Variants in ADGRB3 observed in about 807,000 individuals in gnomAD.
The protein encoded by ADGRB3 is brain-specific angiogenesis inhibitor 3.
A neutral mutation model predicts 193.4 loss-of-function variants in ADGRB3; 37 were observed. The ratio of observed to expected loss-of-function variants is 0.19; its 90% CI spans 0.15 to 0.25. ADGRB3 has a LOEUF of 0.25. Among genes scored for constraint, ADGRB3 ranks in the 10% least tolerant of loss-of-function variants. The probability of loss-of-function intolerance (pLI) is 1.00; values close to 1 mark genes in which losing one functional copy is unlikely to be tolerated. For synonymous variants in ADGRB3, 690 were observed against 644.2 expected (o/e 1.07, Z -1.08); for missense variants, 1,637 against 1,852.9 (o/e 0.88, Z 2.14).
intron 3 of ADGRB3, among the ~76,000 whole-genome samples, chr6:68,738,372 G>C (rs981932494): frequency 6.6e-6 from 1 of 152,074 alleles, no homozygotes; most frequent in Non-Finnish European, 1.5e-5. Flanking sequence ...GTCAAAGAGT[G>C]ACATTATCTG....
intron 10 of ADGRB3, among the ~76,000 whole-genome samples, chr6:68,992,523 C>T (rs1190763234): frequency 1.3e-5 from 2 of 152,082 alleles, no homozygotes; most frequent in South Asian, 2.1e-4. Context: ...TTACTGATGC[C>T]GTGTCAGTCA....
intron 3 of ADGRB3, among the ~76,000 whole-genome samples, chr6:68,929,443 A>G (rs1767275435): frequency 6.6e-6 from 1 of 152,112 alleles, no homozygotes; most frequent in South Asian, 2.1e-4. Flanking sequence ...CCTTCCATAC[A>G]AGAATTGGTA....
At chr6:68,915,356 T>A (rs1021252128) in intron 3 of ADGRB3, among the ~76,000 whole-genome samples, 3 of 152,156 alleles carry the variant, frequency 2.0e-5, no homozygotes, top group African/African-American at 7.2e-5. Flanking sequence ...CATGGCAGGA[T>A]GGGCTGATAT....
chr6:69,033,681 G>A (rs571825684), intron 13 of ADGRB3, among the ~76,000 whole-genome samples: 4 of 152,086 alleles, frequency 2.6e-5, no homozygotes, highest in African/African-American at 9.6e-5. Context: ...GTGTTTTTGT[G>A]TGTTTATCTT....
intron 20 of ADGRB3, among the ~76,000 whole-genome samples, chr6:69,251,767 T>C (rs1193813536): frequency 2.6e-5 from 4 of 152,160 alleles, no homozygotes; most frequent in Non-Finnish European, 4.4e-5. Context: ...AGCTACCCTT[T>C]TTGTTTATTG....
chr6:68,657,574 G>A (rs1271384147), intron 3 of ADGRB3, among the ~76,000 whole-genome samples: 1 of 151,342 alleles, frequency 6.6e-6, no homozygotes, highest in Non-Finnish European at 1.5e-5. Context: ...TGATCAAGCA[G>A]CTGGCCATGG....
chr6:68,765,576 A>ACC (rs1554189897), intron 3 of ADGRB3, among the ~76,000 whole-genome samples: 5 of 149,094 alleles, frequency 3.4e-5, no homozygotes, highest in East Asian at 1.9e-4. Flanking sequence ...ACACACACAC[A>ACC]CCTGGAGCAG....
chr6:69,217,332 T>A (rs1217872527), intron 17 of ADGRB3, among the ~76,000 whole-genome samples: 1 of 152,148 alleles, frequency 6.6e-6, no homozygotes, highest in Non-Finnish European at 1.5e-5. Context: ...CTGCCCTTTT[T>A]ACCCCAAGCC....
chr6:69,154,680 T>C (rs931654506), intron 17 of ADGRB3, among the ~76,000 whole-genome samples: 3 of 152,216 alleles, frequency 2.0e-5, no homozygotes, highest in African/African-American at 7.2e-5. Context: ...TCAGTCCCTC[T>C]GCTAACGTAT....
At chr6:69,260,155 A>G (rs1235203581) in intron 20 of ADGRB3, among the ~76,000 whole-genome samples, 1 of 152,208 alleles carries the variant, frequency 6.6e-6, no homozygotes, top group African/African-American at 2.4e-5. Context: ...GGAGGAACAC[A>G]TTAACAGTCA....
At chr6:69,148,736 C>T (rs1443448972) in intron 17 of ADGRB3, among the ~76,000 whole-genome samples, 1 of 152,110 alleles carries the variant, frequency 6.6e-6, no homozygotes, top group Admixed American at 6.5e-5. Flanking sequence ...AAATGAAATC[C>T]ATAAGCTTTT....
chr6:69,054,405 C>A (rs965922079), intron 15 of ADGRB3, among the ~76,000 whole-genome samples: 3 of 152,074 alleles, frequency 2.0e-5, no homozygotes, highest in African/African-American at 7.2e-5. Flanking sequence ...CACTTTTACA[C>A]AAATGCACGC....
At chr6:69,157,756 G>A (rs1314321979) in intron 17 of ADGRB3, among the ~76,000 whole-genome samples, 1 of 151,378 alleles carries the variant, frequency 6.6e-6, no homozygotes, top group African/African-American at 2.4e-5. Context: ...CCATGATTTT[G>A]GATATTTTGA....
chr6:69,057,971 C>G (rs1285902209), intron 15 of ADGRB3, among the ~76,000 whole-genome samples: 1 of 151,674 alleles, frequency 6.6e-6, no homozygotes, highest in African/African-American at 2.4e-5. Flanking sequence ...TTTAAAAGTG[C>G]TCTCTGCTTT....
chr6:68,864,912 G>A (rs569446134), intron 3 of ADGRB3, among the ~76,000 whole-genome samples: 1 of 152,188 alleles, frequency 6.6e-6, no homozygotes, highest in African/African-American at 2.4e-5. Context: ...TTACAGCAGG[G>A]CCATTTTTCT....
intron 17 of ADGRB3, among the ~76,000 whole-genome samples, chr6:69,213,992 C>T (rs1765720554): frequency 6.6e-6 from 1 of 152,000 alleles, no homozygotes; most frequent in Non-Finnish European, 1.5e-5. Context: ...TAACTAACCA[C>T]TATACAATAT....
intron 17 of ADGRB3, among the ~76,000 whole-genome samples, chr6:69,140,820 G>T (rs1774316104): frequency 6.6e-6 from 1 of 151,794 alleles, no homozygotes; most frequent in African/African-American, 2.4e-5. Flanking sequence ...AAAAGAGAAA[G>T]ATATGAACAA....
chr6:68,952,380 TTA>T (rs1181344659), intron 6 of ADGRB3, among the ~76,000 whole-genome samples: 2 of 151,938 alleles, frequency 1.3e-5, no homozygotes, highest in Non-Finnish European at 2.9e-5. Context: ...ACATGTGTGT[TTA>T]TATATATATA....
intron 17 of ADGRB3, among the ~76,000 whole-genome samples, chr6:69,164,488 A>T (rs1775081028): frequency 1.3e-5 from 2 of 152,124 alleles, no homozygotes; most frequent in Non-Finnish European, 2.9e-5. Flanking sequence ...ATTTGAATAA[A>T]TGAATTTATT....
Sources: gnomAD v4.1 joint callset for allele counts (sites outside exome capture counted in the v4.1 genomes callset) on GRCh38, gnomAD v4.1.1 for gene constraint, MANE v1.5 for transcripts, NCBI Gene and HGNC (gene_info 2026-07-23, HGNC 2026-07-21) for gene names.